The following CPA6 variants were observed in gnomAD, a reference collection of about 807,000 sequenced individuals.
CPA6 encodes the protein carboxypeptidase B.
CPA6 carries 58 observed loss-of-function variants against 63.3 expected under a neutral mutation model. The ratio of observed to expected loss-of-function variants is 0.92; its 90% CI spans 0.74 to 1.14. The LOEUF is 1.14. CPA6 is among the 50% of genes most tolerant of loss of function. The pLI, the probability that CPA6 is intolerant of heterozygous loss-of-function variation, is 0.00. For synonymous variants in CPA6, 185 were observed against 179.0 expected, an observed-to-expected ratio of 1.03 and a Z score of -0.27; for missense variants, 565 against 526.6, an observed-to-expected ratio of 1.07 and a Z score of -0.71.
chr8:67,722,471 T>G (rs906471982), intron 1 of CPA6, among the ~76,000 whole-genome samples: 2 of 152,180 alleles, frequency 1.3e-5, no homozygotes, highest in Non-Finnish European at 2.9e-5. Context: ...TCTAGATGTG[T>G]GCGGTGAAGT....
intron 1 of CPA6, among the ~76,000 whole-genome samples, chr8:67,739,116 G>A (rs545548961): frequency 6.6e-6 from 1 of 152,188 alleles, no homozygotes; most frequent in Non-Finnish European, 1.5e-5. Context: ...AAGGAGAGTG[G>A]AGCCCAGAAG....
intron 10 of CPA6, among the ~76,000 whole-genome samples, chr8:67,423,717 C>G (rs1367048828): frequency 1.3e-5 from 2 of 152,148 alleles, no homozygotes; most frequent in African/African-American, 4.8e-5. Context: ...TTTTCTGCCC[C>G]CATGTTGCTG....
chr8:67,546,157 G>A (rs1036048112), intron 2 of CPA6, among the ~76,000 whole-genome samples: 1 of 152,140 alleles, frequency 6.6e-6, no homozygotes, highest in Non-Finnish European at 1.5e-5. Context: ...CTTATACAAT[G>A]TGGGGTCTAA....
chr8:67,579,055 A>G (rs1813697961), intron 2 of CPA6, among the ~76,000 whole-genome samples: 1 of 152,250 alleles, frequency 6.6e-6, no homozygotes. Flanking sequence ...AACAACGTAA[A>G]TTAAATGTAT....
At chr8:67,564,348 T>G (rs113125664) in intron 2 of CPA6, among the ~76,000 whole-genome samples, 2,166 of 152,222 alleles carry the variant, frequency 0.014, 29 homozygotes, top group Non-Finnish European at 0.023. Flanking sequence ...TGGGGTTTCT[T>G]TTTGGCAGCC....
intron 2 of CPA6, among the ~76,000 whole-genome samples, chr8:67,583,656 T>G (rs980137230): frequency 1.3e-5 from 2 of 152,194 alleles, no homozygotes; most frequent in Non-Finnish European, 2.9e-5. Context: ...GTGGCATGGT[T>G]GTTTGTGGGG....
intron 9 of CPA6, 98 bp downstream of exon 9, chr8:67,433,940 C>A: frequency 1.2e-6 from 1 of 811,818 alleles, no homozygotes; most frequent in Non-Finnish European, 2.1e-6. Flanking sequence ...AGGATAAACA[C>A]AAACATGTGT....
rs570408702 is a variant in CPA6 at position 67,581,541 on chromosome 8, G to T, written c.192+42635C>A. 4.6e-5 allele frequency among the ~76,000 whole-genome samples: 7 copies of T among 152,246 alleles called. No homozygotes were observed. In the South Asian group the frequency reaches 6.2e-4, roughly 14 times the overall value. On this transcript the variant is annotated intron_variant, in intron 2 of 10. Coordinates refer to ENST00000297770, the MANE Select transcript of CPA6 (RefSeq NM_020361.5). ...CCTGGGGAAGGATCCTCCATTTCTG[G>T]TTTACAAGACCAGAGTATTGAATTA...
At chr8:67,666,915 T>C (rs1227623764) in intron 1 of CPA6, among the ~76,000 whole-genome samples, 2 of 152,140 alleles carry the variant, frequency 1.3e-5, no homozygotes, top group African/African-American at 2.4e-5. Flanking sequence ...TATTGCTATG[T>C]CCAGAATCGC....
intron 8 of CPA6, among the ~76,000 whole-genome samples, chr8:67,482,337 G>A (rs7815213): frequency 0.067 from 10,269 of 152,234 alleles, 812 homozygotes; most frequent in African/African-American, 0.19. Flanking sequence ...ATGGAAAATG[G>A]CCCCATCAGA....
chr8:67,555,400 G>A (rs1300908292), intron 2 of CPA6, among the ~76,000 whole-genome samples: 1 of 152,186 alleles, frequency 6.6e-6, no homozygotes, highest in African/African-American at 2.4e-5. Flanking sequence ...ATGATGGTGT[G>A]TGGGGAGCTT....
chr8:67,445,325 G>A (rs995218807), intron 8 of CPA6, among the ~76,000 whole-genome samples: 1 of 152,174 alleles, frequency 6.6e-6, no homozygotes, highest in Non-Finnish European at 1.5e-5. Flanking sequence ...TTCTAGAAAA[G>A]ATGTGAATGG....
intron 8 of CPA6, among the ~76,000 whole-genome samples, chr8:67,451,759 TCACCAC>T (rs1397578568): frequency 6.6e-6 from 1 of 152,096 alleles, no homozygotes; most frequent in Non-Finnish European, 1.5e-5. Context: ...ACCATGGATA[TCACCAC>T]CACCACCACC....
At chr8:67,433,991 A>T (rs375640078) in intron 9 of CPA6, 47 bp downstream of exon 9, 2 of 1,371,290 alleles carry the variant, frequency 1.5e-6, no homozygotes, top group African/African-American at 1.4e-5. Flanking sequence ...TTAGCTTCAG[A>T]AAAGCAGCAT....
chr8:67,743,836 C>T (rs1817957077), intron 1 of CPA6, among the ~76,000 whole-genome samples: 1 of 152,108 alleles, frequency 6.6e-6, no homozygotes, highest in South Asian at 2.1e-4. Flanking sequence ...TTATTAGATT[C>T]TACAAAGACC....
At chr8:67,430,163 GTGTGTGTGTA>G (rs1227754178) in intron 9 of CPA6, among the ~76,000 whole-genome samples, 9 of 143,374 alleles carry the variant, frequency 6.3e-5, no homozygotes, top group African/African-American at 2.2e-4. Context: ...GTGTGTGTGT[GTGTGTGTGTA>G]TATATTTTGT....
rs547024479 is a variant in CPA6, at chr8:67,581,641, G to A, written c.192+42535C>T. Among the ~76,000 whole-genome samples the A allele has an allele frequency of 1.4e-3, 211 of 152,304 alleles. 1 individual carries two copies. Among genetic ancestry groups the A allele is most frequent in the Non-Finnish European group, 2.5e-3 (173 of 68,036 alleles). On this transcript the variant is annotated intron_variant, in intron 2 of 10. Coordinates refer to ENST00000297770, the MANE Select transcript of CPA6 (RefSeq NM_020361.5). The stretch of plus-strand genomic sequence containing the variant: ...GAGTGGCATAAGGGTAAGGATGATA[G>A]AGAAATACACAAGAGATGCTGTCTG...
intron 2 of CPA6, among the ~76,000 whole-genome samples, chr8:67,622,511 C>G (rs1815105241): frequency 6.6e-6 from 1 of 152,096 alleles, no homozygotes; most frequent in Admixed American, 6.6e-5. Flanking sequence ...TCACCCTGGG[C>G]CCTTGTAATG....
At chr8:67,689,682 G>A (rs1298748236) in intron 1 of CPA6, among the ~76,000 whole-genome samples, 1 of 152,106 alleles carries the variant, frequency 6.6e-6, no homozygotes, top group Non-Finnish European at 1.5e-5. Context: ...CTGTTACTGG[G>A]CACCAAGCTT....
Sources: gnomAD v4.1 joint callset for allele counts (sites outside exome capture counted in the v4.1 genomes callset) on GRCh38, gnomAD v4.1.1 for gene constraint, MANE v1.5 for transcripts, NCBI Gene and HGNC (gene_info 2026-07-23, HGNC 2026-07-21) for gene names.